The following TTC17 variants were observed in gnomAD, a reference collection of about 807,000 sequenced individuals.
TTC17 encodes the protein tetratricopeptide repeat protein 17.
TTC17 carries 58 observed loss-of-function variants against 143.8 expected under a neutral mutation model. The ratio of observed to expected loss-of-function variants is 0.40; its 90% CI spans 0.33 to 0.50. TTC17 has a LOEUF of 0.50. TTC17 is among the 20% of genes least tolerant of loss of function. TTC17 has a pLI of 0.49. For missense variants in TTC17, 1,273 were observed against 1,392.5 expected, an observed-to-expected ratio of 0.91 and a Z score of 1.37; for synonymous variants, 501 against 497.8, an observed-to-expected ratio of 1.01 and a Z score of -0.09.
At chr11:43,452,612 A>G (rs1947684477) in intron 21 of TTC17, among the ~76,000 whole-genome samples, 1 of 152,142 alleles carries the variant, frequency 6.6e-6, no homozygotes, top group African/African-American at 2.4e-5. Context: ...AATGGAACAC[A>G]TTATAATTCA....
intron 21 of TTC17, among the ~76,000 whole-genome samples, chr11:43,471,905 A>G (rs1948099929): frequency 1.3e-5 from 2 of 152,232 alleles, no homozygotes; most frequent in Non-Finnish European, 2.9e-5. Flanking sequence ...TAGTAAAATG[A>G]CAGATAAACC....
chr11:43,402,827 C>T (rs534468216), intron 10 of TTC17, among the ~76,000 whole-genome samples: 205 of 152,178 alleles, frequency 1.3e-3, no homozygotes, highest in African/African-American at 4.7e-3. Context: ...CATGTCTAAT[C>T]GTAGATACAG....
At chr11:43,430,709 G>GCACGCA (rs1554994151) in intron 16 of TTC17, among the ~76,000 whole-genome samples, 35 of 138,542 alleles carry the variant, frequency 2.5e-4, no homozygotes, top group South Asian at 2.4e-4. Flanking sequence ...CTACATACAC[G>GCACGCA]CACACACACA....
At chr11:43,435,816 A>G (rs1947279363) in intron 16 of TTC17, among the ~76,000 whole-genome samples, 1 of 152,328 alleles carries the variant, frequency 6.6e-6, no homozygotes, top group Admixed American at 6.5e-5. Flanking sequence ...GTCATTTCTC[A>G]CAAATAGAAG....
At chr11:43,438,033 G>A (rs1474939915) in intron 16 of TTC17, among the ~76,000 whole-genome samples, 2 of 152,234 alleles carry the variant, frequency 1.3e-5, no homozygotes, top group Admixed American at 6.5e-5. Context: ...TTACTGGCTT[G>A]AAATTTTATG....
chr11:43,450,209 C>G lies in TTC17; in HGVS notation c.2914C>G (p.Leu972Val). The change falls in exon 20 of 24, where the codon CTG becomes GTG. Residue 972 changes from leucine (L) to valine (V), a missense_variant. Transcript: ENST00000039989. ...GCATGGGGTTTCCAACCGAGCCAGC[C>G]TGCACTACACAGGGGAGAGTCAGTT... ...HLHGVSNRAS[L>V]HYTGESQLTE... is the part of the protein sequence containing the mutation. 1 of 1,614,134 alleles carries G rather than the reference C, an allele frequency of 6.2e-7. No individual in the cohort carries two copies. Among genetic ancestry groups the G allele is most frequent in the Non-Finnish European group, 8.5e-7 (1 of 1,179,998 alleles).
chr11:43,469,902 A>G (rs2134826991), intron 21 of TTC17, among the ~76,000 whole-genome samples: 1 of 152,310 alleles, frequency 6.6e-6, no homozygotes, highest in East Asian at 1.9e-4. Context: ...AGATTGTACT[A>G]AAAAATCAGT....
At chr11:43,488,472 A>C (rs1948416791) in intron 21 of TTC17, among the ~76,000 whole-genome samples, 1 of 150,392 alleles carries the variant, frequency 6.6e-6, no homozygotes. Flanking sequence ...ATTTATATAT[A>C]GTATAATATA....
chr11:43,363,987 C>T (rs373415201), intron 1 of TTC17, among the ~76,000 whole-genome samples: 5 of 150,210 alleles, frequency 3.3e-5, no homozygotes, highest in South Asian at 2.1e-4. Context: ...TGAGTTCATT[C>T]GGCATTTACT....
intron 21 of TTC17, among the ~76,000 whole-genome samples, chr11:43,462,818 T>C (rs546410670): frequency 6.6e-6 from 1 of 152,210 alleles, no homozygotes; most frequent in South Asian, 2.1e-4. Context: ...AATAAAATTA[T>C]AATAACTGAT....
At chr11:43,361,251 A>G (rs1434445354) in intron 1 of TTC17, among the ~76,000 whole-genome samples, 1 of 152,218 alleles carries the variant, frequency 6.6e-6, no homozygotes, top group Non-Finnish European at 1.5e-5. Context: ...TATATACTGT[A>G]CTTAAGGACT....
intron 10 of TTC17, among the ~76,000 whole-genome samples, chr11:43,402,670 T>G (rs537725194): frequency 1.3e-5 from 2 of 152,298 alleles, no homozygotes; most frequent in South Asian, 4.1e-4. Context: ...ATTTTTTGAT[T>G]GGGATGCTTA....
At chr11:43,480,790 A>G (rs1409657596) in intron 21 of TTC17, among the ~76,000 whole-genome samples, 2 of 151,952 alleles carry the variant, frequency 1.3e-5, no homozygotes, top group Non-Finnish European at 2.9e-5. Context: ...GTAAAATTTA[A>G]GGGTATCATT....
In TTC17 at chr11:43,391,522, T is replaced by C. The variant is rs1246377081; in HGVS notation, c.477T>C (p.Asp159=). ...SPVPPDPEQP[D]CTKILELPYS... The stretch of plus-strand genomic sequence containing the variant: ...TCCCTCCAGACCCAGAGCAACCTGA[T>C]TGTACTAAAATTCTAGAACTTCCAT... The change falls in exon 4 of 24, where the codon GAT becomes GAC. Residue 159 remains aspartate (D), a synonymous_variant. Transcript: ENST00000039989. The C allele has an allele frequency of 1.9e-6, 3 of 1,608,018 alleles. No individual in the cohort carries two copies. Among genetic ancestry groups the C allele is most frequent in the African/African-American group, 2.7e-5 (2 of 74,298 alleles).
At chr11:43,376,740 T>C (rs1208257424) in intron 1 of TTC17, among the ~76,000 whole-genome samples, 2 of 152,308 alleles carry the variant, frequency 1.3e-5, no homozygotes, top group African/African-American at 4.8e-5. Flanking sequence ...GCCTGGCTTA[T>C]AGAAGCTTAA....
intron 16 of TTC17, among the ~76,000 whole-genome samples, chr11:43,423,126 G>A (rs1211749323): frequency 2.6e-5 from 4 of 152,182 alleles, no homozygotes; most frequent in African/African-American, 9.7e-5. Context: ...GGGACTTCTG[G>A]TTGCTTCTCA....
chr11:43,382,882 T>C (rs1857024738), intron 2 of TTC17, among the ~76,000 whole-genome samples: 1 of 151,998 alleles, frequency 6.6e-6, no homozygotes. Context: ...TTTTCTTTTT[T>C]CTTTTTATTT....
rs914489218 is a variant in TTC17, at chr11:43,436,124, A to C, written c.2252-7201A>C. 9 of 1,284,304 alleles carry C rather than the reference A, an allele frequency of 7.0e-6. No homozygotes were observed. The African/African-American group carries it at 1.4e-4, about 19-fold the overall frequency. 79.6% of individuals were successfully genotyped at this position (1,284,304 alleles called of 1,614,324 possible). A position where few individuals can be genotyped will look rare whatever the true frequency, so the allele number is the denominator to read the frequency against. ...CTTGTACTGTAGTACTACACGAGAG[A>C]TATTTCTAATGTGCTATATCTGTGT... On this transcript the variant is annotated intron_variant, in intron 16 of 23. Coordinates refer to ENST00000039989, the MANE Select transcript of TTC17 (RefSeq NM_018259.6).
At chr11:43,410,495 A>T (rs964468157) in intron 15 of TTC17, among the ~76,000 whole-genome samples, 8 of 152,162 alleles carry the variant, frequency 5.3e-5, no homozygotes, top group African/African-American at 1.7e-4. Context: ...TAGGCTTTAC[A>T]ATTAGGTCTA....
Sources: gnomAD v4.1 joint callset for allele counts (sites outside exome capture counted in the v4.1 genomes callset) on GRCh38, gnomAD v4.1.1 for gene constraint, MANE v1.5 for transcripts, NCBI Gene and HGNC (gene_info 2026-07-23, HGNC 2026-07-21) for gene names.